Variants in FOXN3 observed in about 807,000 individuals in gnomAD.
FOXN3 encodes the protein forkhead box N3.
A neutral mutation model predicts 38.4 loss-of-function variants in FOXN3; 7 were observed. The observed-to-expected ratio is 0.18, with a 90% CI of 0.10 to 0.34. The LOEUF (loss-of-function observed/expected upper bound fraction) is 0.34, where lower values mean the gene tolerates loss of function less well. FOXN3 is among the 10% of genes least tolerant of loss of function. The pLI is 1.00. For synonymous variants in FOXN3, 230 were observed against 242.2 expected, an observed-to-expected ratio of 0.95 and a Z score of 0.47; for missense variants, 456 against 613.4, an observed-to-expected ratio of 0.74 and a Z score of 2.71.
At chr14:89,375,757 C>T (rs530496848) in intron 2 of FOXN3, among the ~76,000 whole-genome samples, 30 of 152,072 alleles carry the variant, frequency 2.0e-4, no homozygotes, top group East Asian at 1.7e-3. Context: ...TGTCCAGTTT[C>T]GGTTTATCTT....
At chr14:89,266,758 G>A (rs956678749) in intron 4 of FOXN3, among the ~76,000 whole-genome samples, 1 of 152,162 alleles carries the variant, frequency 6.6e-6, no homozygotes, top group Non-Finnish European at 1.5e-5. Context: ...CTGCTTATAC[G>A]AGAGGCTGCT....
At chr14:89,291,076 G>A (rs1392258488) in intron 3 of FOXN3, 10 of 499,094 alleles carry the variant, frequency 2.0e-5, no homozygotes, top group Admixed American at 6.5e-5. Context: ...CAATCCACAC[G>A]GTGTAAATCA....
At chr14:89,429,770 A>G (rs963798159) in intron 1 of FOXN3, among the ~76,000 whole-genome samples, 1 of 152,228 alleles carries the variant, frequency 6.6e-6, no homozygotes, top group Admixed American at 6.5e-5. Flanking sequence ...AAACTCATTT[A>G]AAGTCTGAAA....
At chr14:89,205,245 T>C (rs1404608419) in intron 4 of FOXN3, among the ~76,000 whole-genome samples, 1 of 151,976 alleles carries the variant, frequency 6.6e-6, no homozygotes, top group Non-Finnish European at 1.5e-5. Flanking sequence ...ATTCCTATGT[T>C]GAAACCGAAT....
intron 2 of FOXN3, among the ~76,000 whole-genome samples, chr14:89,378,216 A>G (rs1300962779): frequency 6.6e-6 from 1 of 152,222 alleles, no homozygotes; most frequent in African/African-American, 2.4e-5. Flanking sequence ...CCATTCATTG[A>G]TACAGAAAAT....
At chr14:89,474,952 A>G (rs1893181534) in intron 1 of FOXN3, among the ~76,000 whole-genome samples, 1 of 152,072 alleles carries the variant, frequency 6.6e-6, no homozygotes, top group Non-Finnish European at 1.5e-5. Flanking sequence ...AGTAGCTGGG[A>G]TAACAGGCAC....
intron 2 of FOXN3, 66 bp from the exon 3 acceptor site, chr14:89,350,874 T>G (rs1005085433): frequency 7.6e-6 from 9 of 1,178,914 alleles, no homozygotes; most frequent in Non-Finnish European, 9.1e-6. Context: ...AATAAGTAGA[T>G]GTATAGCTAT....
chr14:89,217,071 G>T (rs1031321197), intron 4 of FOXN3, among the ~76,000 whole-genome samples: 21 of 152,140 alleles, frequency 1.4e-4, no homozygotes, highest in African/African-American at 5.1e-4. Context: ...ATGTAAATCT[G>T]GAAGCTGCTC....
At chr14:89,306,462 G>A (rs1009935488) in intron 3 of FOXN3, among the ~76,000 whole-genome samples, 3 of 152,040 alleles carry the variant, frequency 2.0e-5, no homozygotes, top group African/African-American at 7.3e-5. Context: ...CCGCCTCCTG[G>A]GTTCACGCTA....
intron 1 of FOXN3, among the ~76,000 whole-genome samples, chr14:89,592,627 T>C (rs779619581): frequency 1.4e-4 from 22 of 152,218 alleles, no homozygotes; most frequent in Non-Finnish European, 3.1e-4. Flanking sequence ...CCTATAATTA[T>C]ATACCTAACC....
At chr14:89,514,875 G>A (rs1894170782) in intron 1 of FOXN3, among the ~76,000 whole-genome samples, 1 of 151,822 alleles carries the variant, frequency 6.6e-6, no homozygotes, top group Middle Eastern at 3.4e-3. Flanking sequence ...GTGTCATTTC[G>A]ACAGCATCGA....
chr14:89,187,934 G>A (rs946896785), intron 4 of FOXN3, among the ~76,000 whole-genome samples: 8 of 152,186 alleles, frequency 5.3e-5, no homozygotes, highest in African/African-American at 1.9e-4. Flanking sequence ...ATGGGACGGT[G>A]AATGCAAAGG....
intron 1 of FOXN3, among the ~76,000 whole-genome samples, chr14:89,538,273 A>G (rs2139845105): frequency 6.6e-6 from 1 of 152,368 alleles, no homozygotes; most frequent in East Asian, 1.9e-4. Context: ...GTTAAAACCC[A>G]GTTCCTCCCC....
chr14:89,576,264 C>G (rs1410737136), intron 1 of FOXN3: 1 of 152,228 alleles, frequency 6.6e-6, no homozygotes. Flanking sequence ...CGCCGGGTGC[C>G]TTTCACTGCC....
intron 4 of FOXN3, among the ~76,000 whole-genome samples, chr14:89,222,387 G>A (rs995972769): frequency 1.1e-4 from 17 of 152,078 alleles, no homozygotes; most frequent in African/African-American, 3.9e-4. Context: ...GGATTCTAAT[G>A]GAAAGACGCT....
chr14:89,205,418 A>G (rs921203945), intron 4 of FOXN3, among the ~76,000 whole-genome samples: 1 of 152,186 alleles, frequency 6.6e-6, no homozygotes, highest in Non-Finnish European at 1.5e-5. Context: ...GAGGACAGGC[A>G]TTTCTGCTTT....
chr14:89,615,116 ATTTTTTTT>A (rs374606775), intron 1 of FOXN3, among the ~76,000 whole-genome samples: 1 of 106,784 alleles, frequency 9.4e-6, no homozygotes, highest in Non-Finnish European at 1.8e-5. Context: ...CCCAATTTCG[ATTTTTTTT>A]TTTTTTTTTT....
chr14:89,387,848 G>A (rs566629594), intron 2 of FOXN3, among the ~76,000 whole-genome samples: 2 of 152,190 alleles, frequency 1.3e-5, no homozygotes, highest in African/African-American at 2.4e-5. Context: ...ACCCACCTGC[G>A]TCTAGCAGCG....
At chr14:89,428,798 C>T (rs751361757) in intron 1 of FOXN3, among the ~76,000 whole-genome samples, 5 of 152,348 alleles carry the variant, frequency 3.3e-5, no homozygotes, top group East Asian at 1.9e-4. Context: ...CAGGCCTCCA[C>T]GCCCCACGAG....
Sources: gnomAD v4.1 joint callset for allele counts (sites outside exome capture counted in the v4.1 genomes callset) on GRCh38, gnomAD v4.1.1 for gene constraint, MANE v1.5 for transcripts, NCBI Gene and HGNC (gene_info 2026-07-23, HGNC 2026-07-21) for gene names.